Variants in UGT1A10 observed in about 807,000 individuals in gnomAD.
UGT1A10 encodes the protein UDP-glucuronosyltransferase 1A10.
Under a neutral mutation model 45.8 loss-of-function variants are expected in UGT1A10, and 49 were observed. That is an observed-to-expected ratio of 1.07 (90% CI 0.85 to 1.36). UGT1A10 has a LOEUF of 1.36. UGT1A10 is among the 40% of genes most tolerant of loss of function. The pLI is 0.00. For missense variants in UGT1A10, 745 were observed against 668.6 expected (o/e 1.11, Z -1.26); for synonymous variants, 284 against 249.7 (o/e 1.14, Z -1.29).
At chr2:233,671,257 C>T (rs17868321) in intron 1 of UGT1A10, among the ~76,000 whole-genome samples, 1,896 of 152,276 alleles carry the variant, frequency 0.012, 18 homozygotes, top group Admixed American at 0.02. Flanking sequence ...CTTCCCACTG[C>T]GTGCGATGTA....
chr2:233,636,800 T>C lies in UGT1A10; in HGVS notation c.278T>C (p.Phe93Ser), dbSNP rs747743442. The change falls in exon 1 of 5, where the codon TTC (phenylalanine) becomes TCC (serine). Residue 93 changes from phenylalanine (F) to serine (S), a missense_variant. By Grantham distance (155) the Phe-to-Ser change is radical. Coordinates refer to ENST00000344644, the MANE Select transcript of UGT1A10 (RefSeq NM_019075.4). ...LEDQNREFMV[F>S]AHAQWKAQAQ... ...GATCAGAACCGGGAATTCATGGTTT[T>C]CGCCCATGCTCAATGGAAAGCACAG... 1 of 1,614,242 alleles carries C rather than the reference T, an allele frequency of 6.2e-7. No individual in the cohort carries two copies. Among genetic ancestry groups the C allele is most frequent in the East Asian group, 2.2e-5 (1 of 44,888 alleles).
rs1281770276 is a variant in UGT1A10, at chr2:233,636,895, A to G, written c.373A>G (p.Arg125Gly). ...TCTTGACTTATTTTTTTCGCATTGC[A>G]GGAGTTTGTTTAATGACCGAAAATT... ...GFLDLFFSHC[R>G]SLFNDRKLVE... is the part of the protein sequence containing the mutation. Residue 125 changes from arginine (R) to glycine (G), a missense_variant, in exon 1 of 5, where the codon AGG (arginine) becomes GGG (glycine). By Grantham distance (125) the Arg-to-Gly change is moderately radical. Coordinates refer to ENST00000344644, the MANE Select transcript of UGT1A10 (RefSeq NM_019075.4). 7 of 1,614,044 alleles carry G rather than the reference A, an allele frequency of 4.3e-6. No homozygotes were observed. The highest frequency in any genetic ancestry group is 1.3e-5 in the African/African-American group (1 of 74,922).
chr2:233,693,656 G>A (rs764049007), intron 1 of UGT1A10: 1 of 1,614,020 alleles, frequency 6.2e-7, no homozygotes, highest in Admixed American at 1.7e-5. Context: ...TAATTTGTTG[G>A]AGCCCTATCT....
chr2:233,647,656 A>G (rs1646682266), intron 1 of UGT1A10, among the ~76,000 whole-genome samples: 1 of 152,124 alleles, frequency 6.6e-6, no homozygotes, highest in South Asian at 2.1e-4. Context: ...ATTCCATCTA[A>G]GTTGTAGATT....
intron 4 of UGT1A10, among the ~76,000 whole-genome samples, chr2:233,768,711 T>G (rs2126041058): frequency 6.6e-6 from 1 of 151,246 alleles, no homozygotes; most frequent in South Asian, 2.1e-4. Flanking sequence ...AGCCTCCGTG[T>G]AGCTGGGATT....
intron 1 of UGT1A10, chr2:233,754,508 T>C (rs1695500116): frequency 2.8e-6 from 1 of 361,410 alleles, no homozygotes; most frequent in East Asian, 7.3e-5. Flanking sequence ...CCGCTATTCC[T>C]CCAGATGTGC....
At position 233,738,564 on chromosome 2, in the gene UGT1A10, T is replaced by G. The variant is rs1575624453; in HGVS notation, c.856-28470T>G. Reference sequence around the variant, plus strand: ...GAGTCTCAGATAGAGATGAGGAATCTGTTGAGAACTGGAGCAAAGGTCACT... The same window carrying G: ...GAGTCTCAGATAGAGATGAGGAATCGGTTGAGAACTGGAGCAAAGGTCACT... On this transcript the variant is annotated intron_variant, in intron 1 of 4. Transcript: ENST00000344644. Among the ~76,000 whole-genome samples, 3 of 152,322 alleles carry G rather than the reference T, an allele frequency of 2.0e-5. No individual in the cohort carries two copies. The South Asian group carries it at 6.2e-4, about 32-fold the overall frequency.
chr2:233,642,030 T>C (rs1476398666), intron 1 of UGT1A10, among the ~76,000 whole-genome samples: 1 of 152,236 alleles, frequency 6.6e-6, no homozygotes, highest in Admixed American at 6.5e-5. Context: ...CTTCTCATAC[T>C]TGAATATAGG....
chr2:233,734,394 G>A (rs574179934), intron 1 of UGT1A10, among the ~76,000 whole-genome samples: 7 of 152,088 alleles, frequency 4.6e-5, no homozygotes, highest in South Asian at 2.1e-4. Flanking sequence ...TTTTTATTGC[G>A]TCTATTTGAT....
At chr2:233,638,075 C>T (rs2073348931) in intron 1 of UGT1A10, among the ~76,000 whole-genome samples, 1 of 152,088 alleles carries the variant, frequency 6.6e-6, no homozygotes, top group Non-Finnish European at 1.5e-5. Flanking sequence ...TTGCTTTTAT[C>T]TTAGTAGACT....
rs34150486 is a variant in UGT1A10, at chr2:233,743,623, G to C, written c.856-23411G>C. The stretch of plus-strand genomic sequence containing the variant: ...GGCCGCCGAAGAACTCCCTGAAGAC[G>C]TCGGCTGGGTCGCGGAAGCTGAAGA... On this transcript the variant is annotated intron_variant, in intron 1 of 4. Coordinates refer to ENST00000344644, the MANE Select transcript of UGT1A10 (RefSeq NM_019075.4). The C allele has an allele frequency of 7.3e-5, 100 of 1,367,326 alleles. 1 individual carries two copies. In the East Asian group the frequency reaches 1.5e-3, roughly 20 times the overall value. The allele number at this position is 1,367,326 out of a possible 1,614,324, so 84.7% of individuals were successfully genotyped here. A position where few individuals can be genotyped will look rare whatever the true frequency, so the allele number is the denominator to read the frequency against.
chr2:233,653,412 TA>T lies in UGT1A10; in HGVS notation c.855+16041del, dbSNP rs1177332760. Among the ~76,000 whole-genome samples the T allele has an allele frequency of 4.6e-5, 7 of 152,228 alleles. No homozygotes were observed. In the South Asian group the frequency reaches 1.5e-3, roughly 32 times the overall value. On this transcript the variant is annotated intron_variant, in intron 1 of 4. Transcript: ENST00000344644. ...GAATCATATTCTTAAAGTAATAGGT[TA>T]AAAAAGGAAAAGTATCAATATTTAT...
intron 1 of UGT1A10, among the ~76,000 whole-genome samples, chr2:233,751,737 T>C (rs1413280184): frequency 2.0e-5 from 3 of 152,206 alleles, no homozygotes; most frequent in Admixed American, 2.0e-4. Flanking sequence ...TCCTCTCTGT[T>C]TCTCTCTTGC....
chr2:233,767,283 C>T (rs1575825850), intron 2 of UGT1A10, 118 bp downstream of exon 2: 2 of 1,571,702 alleles, frequency 1.3e-6, no homozygotes, highest in Non-Finnish European at 1.7e-6. Flanking sequence ...TTCCCTGCCA[C>T]TTCCCAACTA....
intron 1 of UGT1A10, among the ~76,000 whole-genome samples, chr2:233,734,124 A>T (rs533243585): frequency 1.8e-3 from 273 of 151,048 alleles, no homozygotes; most frequent in Non-Finnish European, 3.0e-3. Context: ...ATAATAATAA[A>T]AAGAATTTGG....
intron 1 of UGT1A10, among the ~76,000 whole-genome samples, chr2:233,659,153 C>G (rs185504862): frequency 2.6e-5 from 4 of 152,254 alleles, no homozygotes; most frequent in Non-Finnish European, 1.5e-5. Context: ...AGATTTATCC[C>G]TAAGTATTTC....
intron 1 of UGT1A10, among the ~76,000 whole-genome samples, chr2:233,662,859 A>C (rs1050028090): frequency 6.6e-6 from 1 of 151,138 alleles, no homozygotes; most frequent in Non-Finnish European, 1.5e-5. Flanking sequence ...GGACTCTGTC[A>C]AACACTTTTT....
At chr2:233,719,227 C>G in intron 1 of UGT1A10, 1 of 1,614,176 alleles carries the variant, frequency 6.2e-7, no homozygotes, top group Non-Finnish European at 8.5e-7. Context: ...CATAATGAGG[C>G]CCTGATCAGG....
chr2:233,761,112 T>C (rs762490577), intron 1 of UGT1A10: 2 of 1,614,122 alleles, frequency 1.2e-6, no homozygotes, highest in Non-Finnish European at 1.7e-6. Flanking sequence ...TGGTTTTTGT[T>C]GGTGGAATCA....
Sources: allele counts gnomAD v4.1 joint callset (sites outside exome capture counted in the v4.1 genomes callset), GRCh38; gene constraint gnomAD v4.1.1; transcripts MANE v1.5; gene names NCBI Gene and HGNC (gene_info 2026-07-23, HGNC 2026-07-21).